The following EDN1 variants were observed in gnomAD, a reference collection of about 807,000 sequenced individuals.
EDN1 encodes endothelin 1.
A neutral mutation model predicts 21.7 loss-of-function variants in EDN1; 11 were observed. That is an observed-to-expected ratio of 0.51 (90% CI 0.32 to 0.84). The LOEUF (loss-of-function observed/expected upper bound fraction) is 0.84. Ranked by LOEUF, EDN1 falls within the 40% of genes least tolerant of loss-of-function variation. The pLI, the probability that EDN1 is intolerant of heterozygous loss-of-function variation, is 0.03. For missense variants in EDN1, 244 were observed against 262.3 expected (o/e 0.93, Z 0.48); for synonymous variants, 85 against 90.6 (o/e 0.94, Z 0.35).
At chr6:12,258,174 C>T in the EDN1 span, among the ~76,000 whole-genome samples, 1 of 151,924 alleles carries the variant, frequency 6.6e-6, no homozygotes, top group East Asian at 1.9e-4. Flanking sequence ...GAAAAGCTGG[C>T]TGGGTGTGGA....
the EDN1 span, among the ~76,000 whole-genome samples, chr6:12,236,021 A>G: frequency 6.6e-6 from 1 of 152,204 alleles, no homozygotes; most frequent in Non-Finnish European, 1.5e-5. Flanking sequence ...TTTTTCTTGT[A>G]TACAAGATTT....
chr6:12,287,615 C>T (rs1217591440), upstream of EDN1, among the ~76,000 whole-genome samples: 3 of 151,828 alleles, frequency 2.0e-5, no homozygotes, highest in Admixed American at 6.6e-5. Flanking sequence ...TGCCACCCCT[C>T]GCCCCTGACA....
rs1392059376 is a variant in EDN1, at chr6:12,292,945, T to G, written c.233+436T>G. On this transcript the variant is annotated intron_variant, in intron 2 of 4. Coordinates refer to ENST00000379375, the MANE Select transcript of EDN1 (RefSeq NM_001955.5). ...AGGGTTAGAATCACTTAATTTTACTTACAGAAAAACCTAGGCTCAAAGTGT... is the reference window on the plus strand; with the variant it reads ...AGGGTTAGAATCACTTAATTTTACTGACAGAAAAACCTAGGCTCAAAGTGT... 3.9e-5 allele frequency among the ~76,000 whole-genome samples: 6 copies of G among 152,288 alleles called. No homozygotes were observed. The East Asian group carries it at 1.2e-3, about 29-fold the overall frequency.
In EDN1 at chr6:12,296,098, C is replaced by T. The variant is rs1377768758; in HGVS notation, c.*31C>T. 2 of 1,594,462 alleles carry T rather than the reference C, an allele frequency of 1.3e-6. No homozygotes were observed. Among genetic ancestry groups the T allele is most frequent in the South Asian group, 1.1e-5 (1 of 90,644 alleles). On this transcript the variant is annotated 3_prime_UTR_variant, in exon 5 of 5. Transcript: ENST00000379375. ...CTTCGGGGCCTGTCTGAAGCCATAG[C>T]CTCCACGGAGAGCCCTGTGGCCGAC... is the stretch of plus-strand genomic sequence containing the variant.
chr6:12,271,266 C>T, the EDN1 span, among the ~76,000 whole-genome samples: 1 of 152,074 alleles, frequency 6.6e-6, no homozygotes, highest in Non-Finnish European at 1.5e-5. Context: ...CTTTCTTCCT[C>T]TCTTATGGCT....
At chr6:12,268,640 T>C in the EDN1 span, among the ~76,000 whole-genome samples, 2 of 152,324 alleles carry the variant, frequency 1.3e-5, no homozygotes, top group Non-Finnish European at 2.9e-5. Flanking sequence ...TGTGGATTTA[T>C]TTCTGTATCC....
chr6:12,282,297 G>T, the EDN1 span, among the ~76,000 whole-genome samples: 1 of 152,184 alleles, frequency 6.6e-6, no homozygotes, highest in African/African-American at 2.4e-5. Flanking sequence ...GAATGGATGT[G>T]GTGGGAGAAA....
chr6:12,273,604 C>CTTTTTTTTTTTT, the EDN1 span, among the ~76,000 whole-genome samples: 1 of 83,380 alleles, frequency 1.2e-5, no homozygotes, highest in Non-Finnish European at 2.1e-5. Context: ...GTAGGCAGGA[C>CTTTTTTTTTTTT]TTTTTTTTTT....
chr6:12,253,433 A>G, the EDN1 span, among the ~76,000 whole-genome samples: 1 of 152,230 alleles, frequency 6.6e-6, no homozygotes, highest in Non-Finnish European at 1.5e-5. Context: ...AATAAACAAG[A>G]TACAAAAAAT....
chr6:12,247,517 T>C, the EDN1 span, among the ~76,000 whole-genome samples: 3 of 138,818 alleles, frequency 2.2e-5, no homozygotes, highest in Non-Finnish European at 4.6e-5. Context: ...GGATGATTTC[T>C]TTTTTTTTTT....
the EDN1 span, among the ~76,000 whole-genome samples, chr6:12,237,192 G>A: frequency 8.5e-5 from 13 of 152,182 alleles, 1 homozygote; most frequent in Admixed American, 3.3e-4. Context: ...ATTCCATGGT[G>A]TATATGTGCC....
rs370873027 is a variant in EDN1, at chr6:12,292,406, C to T, written c.130C>T (p.Pro44Ser). The T allele has an allele frequency of 1.5e-5, 24 of 1,614,042 alleles. No homozygotes were observed. Among genetic ancestry groups the T allele is most frequent in the South Asian group, 6.6e-5 (6 of 91,090 alleles). ...CGGGGAGAAACCCACTCCCAGTCCACCCTGGCGGCTCCGCCGGTCCAAGCG... is the reference window on the plus strand; with the variant it reads ...CGGGGAGAAACCCACTCCCAGTCCATCCTGGCGGCTCCGCCGGTCCAAGCG... ...NGGEKPTPSP[P>S]WRLRRSKRCS... Residue 44 changes from proline (P) to serine (S), a missense_variant, in exon 2 of 5, where the codon CCC (proline) becomes TCC (serine). Coordinates refer to ENST00000379375, the MANE Select transcript of EDN1 (RefSeq NM_001955.5).
chr6:12,286,131 G>C (rs1762556444), upstream of EDN1, among the ~76,000 whole-genome samples: 1 of 152,236 alleles, frequency 6.6e-6, no homozygotes, highest in African/African-American at 2.4e-5. Context: ...GGTAAAAATT[G>C]TGAAGCAGTT....
At chr6:12,294,468 T>A in intron 4 of EDN1, 64 bp downstream of exon 4, 1 of 1,592,314 alleles carries the variant, frequency 6.3e-7, no homozygotes, top group Non-Finnish European at 8.6e-7. Flanking sequence ...CAGTCAGTGA[T>A]GCCAGCAGCC....
At chr6:12,262,824 A>G in the EDN1 span, among the ~76,000 whole-genome samples, 6 of 150,396 alleles carry the variant, frequency 4.0e-5, 1 homozygote, top group Non-Finnish European at 3.0e-5. Context: ...GTGAGCCGAG[A>G]TTGCGCCATT....
the EDN1 span, among the ~76,000 whole-genome samples, chr6:12,262,661 T>C: frequency 5.0e-3 from 755 of 152,142 alleles, 8 homozygotes; most frequent in African/African-American, 0.017. Flanking sequence ...CACCAGAGAT[T>C]AGGAGGTCGA....
At chr6:12,291,618 G>T (rs1322323418) in intron 1 of EDN1, among the ~76,000 whole-genome samples, 2 of 152,236 alleles carry the variant, frequency 1.3e-5, no homozygotes, top group African/African-American at 4.8e-5. Context: ...AGTGGAGAAG[G>T]GGGAGGCAGT....
the EDN1 span, among the ~76,000 whole-genome samples, chr6:12,264,818 A>C: frequency 6.6e-6 from 1 of 152,182 alleles, no homozygotes; most frequent in African/African-American, 2.4e-5. Flanking sequence ...GGGCAGTAGG[A>C]GGAGATGAAG....
the EDN1 span, among the ~76,000 whole-genome samples, chr6:12,272,151 G>C: frequency 2.0e-5 from 3 of 152,188 alleles, no homozygotes; most frequent in South Asian, 4.1e-4. Context: ...TAAGGTTAAG[G>C]GAATCCTCTC....
Sources: gnomAD v4.1 joint callset for allele counts (sites outside exome capture counted in the v4.1 genomes callset) on GRCh38, gnomAD v4.1.1 for gene constraint, MANE v1.5 for transcripts, NCBI Gene and HGNC (gene_info 2026-07-23, HGNC 2026-07-21) for gene names.